FOXP2: variants seen among roughly 807,000 people sequenced by gnomAD.
The protein encoded by FOXP2 is forkhead box protein P2.
FOXP2 carries 12 observed loss-of-function variants against 115.8 expected under a neutral mutation model. That is an observed-to-expected ratio of 0.10 (90% CI 0.07 to 0.17). FOXP2 has a LOEUF of 0.17. FOXP2 is among the 10% of genes least tolerant of loss of function. The pLI is 1.00. For missense variants in FOXP2, 629 were observed against 843.5 expected, an observed-to-expected ratio of 0.75 and a Z score of 3.15; for synonymous variants, 328 against 297.7, an observed-to-expected ratio of 1.10 and a Z score of -1.05.
intron 1 of FOXP2, among the ~76,000 whole-genome samples, chr7:114,127,788 A>G (rs1231288785): frequency 6.6e-6 from 1 of 152,168 alleles, no homozygotes; most frequent in Admixed American, 6.6e-5. Context: ...CTATGATTTA[A>G]AAAGAATGTA....
chr7:114,525,185 C>T (rs1798800967), intron 2 of FOXP2, among the ~76,000 whole-genome samples: 1 of 152,172 alleles, frequency 6.6e-6, no homozygotes, highest in Admixed American at 6.5e-5. Flanking sequence ...GAGTTAGTTT[C>T]AAATGACTAG....
At chr7:114,625,229 AT>A (rs1804489736) in intron 3 of FOXP2, among the ~76,000 whole-genome samples, 1 of 151,704 alleles carries the variant, frequency 6.6e-6, no homozygotes, top group Admixed American at 6.6e-5. Flanking sequence ...ATTTTAACTG[AT>A]AAATACCCAT....
chr7:114,394,046 G>A (rs894588565), intron 2 of FOXP2, among the ~76,000 whole-genome samples: 4 of 150,876 alleles, frequency 2.7e-5, no homozygotes, highest in Admixed American at 6.6e-5. Context: ...TGCTCTGTCC[G>A]CTGAAAGGTC....
chr7:114,254,471 T>C (rs181561566), intron 1 of FOXP2, among the ~76,000 whole-genome samples: 2 of 152,330 alleles, frequency 1.3e-5, no homozygotes, highest in Non-Finnish European at 2.9e-5. Context: ...GTCCCATATT[T>C]CTTGCAAACT....
intron 2 of FOXP2, among the ~76,000 whole-genome samples, chr7:114,309,536 G>A (rs1422336506): frequency 6.6e-6 from 1 of 152,166 alleles, no homozygotes; most frequent in African/African-American, 2.4e-5. Context: ...GGCTGGGACA[G>A]GCTTGATCAG....
At chr7:114,495,483 C>CTCTTTTTTTTT (rs776653007) in intron 2 of FOXP2, among the ~76,000 whole-genome samples, 71 of 61,464 alleles carry the variant, frequency 1.2e-3, no homozygotes, top group East Asian at 1.3e-3. Context: ...TTCTCTCTCT[C>CTCTTTTTTTTT]TTTTTTTTTT....
At chr7:114,420,661 G>A (rs1793580345) in intron 1 of FOXP2, among the ~76,000 whole-genome samples, 2 of 151,590 alleles carry the variant, frequency 1.3e-5, no homozygotes, top group Non-Finnish European at 1.5e-5. Flanking sequence ...ATTACATTTT[G>A]GCATTATAAA....
At chr7:114,673,388 A>G (rs1807597348) in intron 16 of FOXP2, among the ~76,000 whole-genome samples, 1 of 152,214 alleles carries the variant, frequency 6.6e-6, no homozygotes. Context: ...TTTTCATTTT[A>G]TTACAGCTGT....
chr7:114,629,728 A>G, intron 4 of FOXP2, 77 bp from the exon 5 acceptor site: 1 of 1,605,536 alleles, frequency 6.2e-7, no homozygotes, highest in Non-Finnish European at 8.5e-7. Flanking sequence ...GCCATATGCC[A>G]GTCTAGAAGA....
upstream of FOXP2, among the ~76,000 whole-genome samples, chr7:114,087,160 A>G (rs1235728574): frequency 6.6e-6 from 1 of 152,120 alleles, no homozygotes; most frequent in South Asian, 2.1e-4. Flanking sequence ...TCAGTTGGGC[A>G]AGTGCACGCT....
At chr7:114,195,249 A>C (rs1275441032) in intron 1 of FOXP2, among the ~76,000 whole-genome samples, 1 of 152,216 alleles carries the variant, frequency 6.6e-6, no homozygotes, top group African/African-American at 2.4e-5. Flanking sequence ...TTGAAGAAAG[A>C]GACCAAGAAC....
chr7:114,321,592 T>C (rs1343569881), intron 2 of FOXP2, among the ~76,000 whole-genome samples: 1 of 152,152 alleles, frequency 6.6e-6, no homozygotes, highest in African/African-American at 2.4e-5. Flanking sequence ...GAGCAGCATC[T>C]CATAATCCCA....
In FOXP2 at chr7:114,642,633, A is replaced by C; in HGVS notation, c.989+10A>C. The C allele has an allele frequency of 2.4e-3, 3,744 of 1,578,946 alleles. No homozygotes were observed. Among genetic ancestry groups the C allele is most frequent in the Non-Finnish European group, 2.9e-3 (3,367 of 1,148,854 alleles). The stretch of plus-strand genomic sequence containing the variant: ...GTGCAAGACGAGACAGGTAAATCTC[A>C]TGAGCTTTATTCTATATTTATCTAT... On this transcript the variant is annotated intron_variant, in intron 7 of 16. Transcript: ENST00000350908.
intron 1 of FOXP2, among the ~76,000 whole-genome samples, chr7:114,112,891 C>T (rs2129142460): frequency 6.6e-6 from 1 of 152,172 alleles, no homozygotes; most frequent in South Asian, 2.1e-4. Flanking sequence ...ATGAGTTACT[C>T]ATGTCTATAT....
chr7:114,142,586 A>T (rs972491349), intron 1 of FOXP2, among the ~76,000 whole-genome samples: 2 of 152,152 alleles, frequency 1.3e-5, no homozygotes, highest in African/African-American at 4.8e-5. Flanking sequence ...ATATTATATT[A>T]TACCATTTAT....
chr7:114,270,385 T>C (rs1178194432), intron 1 of FOXP2, among the ~76,000 whole-genome samples: 1 of 152,184 alleles, frequency 6.6e-6, no homozygotes, highest in African/African-American at 2.4e-5. Flanking sequence ...CTTAGTTTTG[T>C]AAGAAACTGC....
At chr7:114,398,999 CTT>C in intron 2 of FOXP2, among the ~76,000 whole-genome samples, 1 of 151,894 alleles carries the variant, frequency 6.6e-6, no homozygotes, top group African/African-American at 2.4e-5. Flanking sequence ...GTTGTTCTCA[CTT>C]TGCATTATTT....
intron 1 of FOXP2, among the ~76,000 whole-genome samples, chr7:114,091,112 C>T (rs997284404): frequency 6.6e-5 from 10 of 151,944 alleles, no homozygotes; most frequent in African/African-American, 2.4e-4. Flanking sequence ...GGTACTTCCA[C>T]TTGCTTACTT....
intron 2 of FOXP2, among the ~76,000 whole-genome samples, chr7:114,396,998 A>T (rs1179010725): frequency 1.3e-5 from 2 of 152,158 alleles, no homozygotes; most frequent in Non-Finnish European, 2.9e-5. Flanking sequence ...ACATATCATT[A>T]TATAATTAGC....
Sources: allele counts gnomAD v4.1 joint callset (sites outside exome capture counted in the v4.1 genomes callset), GRCh38; gene constraint gnomAD v4.1.1; transcripts MANE v1.5; gene names NCBI Gene and HGNC (gene_info 2026-07-23, HGNC 2026-07-21).